MAN1A1: variants seen among roughly 807,000 people sequenced by gnomAD.
The protein encoded by MAN1A1 is mannosyl-oligosaccharide 1,2-alpha-mannosidase IA.
In MAN1A1, 29 loss-of-function variants were observed where a neutral mutation model predicts 70.8. That is an observed-to-expected ratio of 0.41 (90% confidence interval 0.31 to 0.56). The LOEUF (loss-of-function observed/expected upper bound fraction) is 0.56. MAN1A1 is among the 20% of genes least tolerant of loss of function. The pLI is 0.29. For missense variants in MAN1A1, 747 were observed against 841.3 expected (o/e 0.89, Z 1.39); for synonymous variants, 349 against 330.1 (o/e 1.06, Z -0.62).
intron 2 of MAN1A1, among the ~76,000 whole-genome samples, chr6:119,308,728 G>C (rs1772600307): frequency 6.6e-6 from 1 of 151,976 alleles, no homozygotes; most frequent in South Asian, 2.1e-4. Context: ...AGAACACCTA[G>C]AGATTATATT....
chr6:119,270,138 G>C (rs1775877250), intron 5 of MAN1A1, among the ~76,000 whole-genome samples: 1 of 152,088 alleles, frequency 6.6e-6, no homozygotes, highest in African/African-American at 2.4e-5. Flanking sequence ...TGATATTTCA[G>C]ACTAATCTTG....
intron 2 of MAN1A1, among the ~76,000 whole-genome samples, chr6:119,331,668 C>G (rs1773319697): frequency 6.6e-6 from 1 of 150,502 alleles, no homozygotes; most frequent in Admixed American, 6.6e-5. Context: ...CACAATATTA[C>G]TCTTGAGAGG....
intron 6 of MAN1A1, among the ~76,000 whole-genome samples, chr6:119,221,243 A>G (rs1483562158): frequency 2.0e-5 from 3 of 152,292 alleles, no homozygotes; most frequent in Middle Eastern, 6.8e-3. Context: ...ATTAAAAAGC[A>G]TAAAAAAGTA....
intron 6 of MAN1A1, among the ~76,000 whole-genome samples, chr6:119,220,871 A>G (rs1226835541): frequency 1.3e-5 from 2 of 152,176 alleles, no homozygotes; most frequent in African/African-American, 2.4e-5. Context: ...GATATCACCA[A>G]TCTATATTTA....
chr6:119,261,686 A>G (rs1170977789), intron 5 of MAN1A1, among the ~76,000 whole-genome samples: 1 of 152,240 alleles, frequency 6.6e-6, no homozygotes, highest in African/African-American at 2.4e-5. Flanking sequence ...GAAAGAGAAT[A>G]GCACAAAACT....
intron 6 of MAN1A1, among the ~76,000 whole-genome samples, chr6:119,231,565 G>A (rs562655294): frequency 1.3e-5 from 2 of 152,244 alleles, no homozygotes; most frequent in African/African-American, 2.4e-5. Context: ...CTTTCATCTA[G>A]AGAAGCCTCC....
chr6:119,248,174 G>A, intron 6 of MAN1A1, 86 bp downstream of exon 6: 1 of 866,158 alleles, frequency 1.2e-6, no homozygotes, highest in Non-Finnish European at 1.9e-6. Flanking sequence ...TATCATATAA[G>A]TAATTATCTA....
At chr6:119,187,715 A>G (rs2114930345) in intron 11 of MAN1A1, among the ~76,000 whole-genome samples, 1 of 152,360 alleles carries the variant, frequency 6.6e-6, no homozygotes, top group African/African-American at 2.4e-5. Context: ...CCACTCCTTG[A>G]GGAATAATAA....
At chr6:119,267,003 C>T (rs1161004267) in intron 5 of MAN1A1, among the ~76,000 whole-genome samples, 3 of 152,144 alleles carry the variant, frequency 2.0e-5, no homozygotes, top group Non-Finnish European at 4.4e-5. Context: ...CATCGCAAAT[C>T]ATCAAGTAAA....
At chr6:119,272,084 A>G (rs1446309163) in intron 5 of MAN1A1, among the ~76,000 whole-genome samples, 1 of 152,238 alleles carries the variant, frequency 6.6e-6, no homozygotes, top group Non-Finnish European at 1.5e-5. Context: ...CATGGCTTCA[A>G]TATCGGTGTA....
At chr6:119,192,421 T>C (rs996074266) in intron 9 of MAN1A1, among the ~76,000 whole-genome samples, 8 of 152,192 alleles carry the variant, frequency 5.3e-5, no homozygotes, top group Non-Finnish European at 8.8e-5. Flanking sequence ...ACTAAGGCGC[T>C]TCTGGTTCCT....
chr6:119,331,720 A>C (rs915783111), intron 2 of MAN1A1, among the ~76,000 whole-genome samples: 4 of 152,164 alleles, frequency 2.6e-5, no homozygotes, highest in Non-Finnish European at 5.9e-5. Context: ...TTTCAGAATT[A>C]AAGCATGTTG....
chr6:119,298,893 G>A (rs1451271683), intron 4 of MAN1A1, among the ~76,000 whole-genome samples: 1 of 151,934 alleles, frequency 6.6e-6, no homozygotes. Context: ...ACTGCGCCTG[G>A]CCAACTTTTT....
Position 119,348,836 on chromosome 6 carries a change from C to T in MAN1A1, c.230G>A (p.Ser77Asn). Residue 77 changes from serine to asparagine, a missense_variant, in exon 2 of 13, where the codon AGC becomes AAC. Transcript: ENST00000368468. ...GTCGGCGGCCGGCTGCAAGGCGGGG[C>T]TGGAGTGGAACAGGACCCCGCTGAG... ...KLLSGVLFHS[S>N]PALQPAADHK... 1 of 1,494,430 alleles carries T rather than the reference C, an allele frequency of 6.7e-7. No homozygotes were observed. Among genetic ancestry groups the T allele is most frequent in the Middle Eastern group, 1.8e-4 (1 of 5,628 alleles). The allele number at this position is 1,494,430 out of a possible 1,614,324, so 92.6% of individuals were successfully genotyped here. A position where few individuals can be genotyped will look rare whatever the true frequency, so the allele number is the denominator to read the frequency against.
chr6:119,349,305 GT>G lies in MAN1A1; in HGVS notation c.-222-19del. ...TGCAGCCCCTGCGGGGAGAGAAACA[GT>G]AAAACGTAGTAATTACGGCGATGAT... On this transcript the variant is annotated intron_variant, in intron 1 of 12. Coordinates refer to ENST00000368468, the MANE Select transcript of MAN1A1 (RefSeq NM_005907.4). 8.4e-7 allele frequency: 1 copy of G among 1,192,624 alleles called. No individual in the cohort carries two copies. Among genetic ancestry groups the G allele is most frequent in the Non-Finnish European group, 1.0e-6 (1 of 962,848 alleles). 73.9% of individuals were successfully genotyped at this position (1,192,624 alleles called of 1,614,324 possible). A position where few individuals can be genotyped will look rare whatever the true frequency, so the allele number is the denominator to read the frequency against.
chr6:119,348,547 C>T lies in MAN1A1; in HGVS notation c.519G>A (p.Pro173=), dbSNP rs1313455858. The T allele has an allele frequency of 1.9e-6, 3 of 1,613,224 alleles. No individual in the cohort carries two copies. Among genetic ancestry groups the T allele is most frequent in the South Asian group, 2.2e-5 (2 of 90,928 alleles). ...RDKAPFRGLP[P]VDFVPPIGVE... ...CCCCGATTGGGGGCACGAAGTCCAC[C>T]GGGGGCAGGCCTCTGAACGGCGCCT... The change falls in exon 2 of 13, where the codon CCG becomes CCA. Residue 173 remains proline (P), a synonymous_variant. Coordinates refer to ENST00000368468, the MANE Select transcript of MAN1A1 (RefSeq NM_005907.4).
At chr6:119,223,198 A>C (rs1489950203) in intron 6 of MAN1A1, among the ~76,000 whole-genome samples, 1 of 152,182 alleles carries the variant, frequency 6.6e-6, no homozygotes, top group Admixed American at 6.5e-5. Context: ...AAATAAGTCT[A>C]ATAATTAAAC....
At chr6:119,263,522 G>T (rs771161957) in intron 5 of MAN1A1, among the ~76,000 whole-genome samples, 78 of 152,212 alleles carry the variant, frequency 5.1e-4, no homozygotes, top group African/African-American at 1.8e-3. Context: ...GTGTAAGAAG[G>T]GTGAGGACTG....
Position 119,202,572 on chromosome 6 carries a change from A to G in MAN1A1, c.1117-1225T>C, listed in dbSNP as rs6924394. Among the ~76,000 whole-genome samples, 772 of 152,310 alleles carry G rather than the reference A, an allele frequency of 5.1e-3. 14 individuals carry two copies. Among genetic ancestry groups the G allele is most frequent in the African/African-American group, 0.018 (731 of 41,558 alleles). On this transcript the variant is annotated intron_variant, in intron 7 of 12. Coordinates refer to ENST00000368468, the MANE Select transcript of MAN1A1 (RefSeq NM_005907.4). Reference sequence around the variant, plus strand: ...TATCAAATATTATGTACTGTACATAATTATATGTGCTATACTTTTATGTGA... The same window carrying G: ...TATCAAATATTATGTACTGTACATAGTTATATGTGCTATACTTTTATGTGA...
Sources: allele counts gnomAD v4.1 joint callset (sites outside exome capture counted in the v4.1 genomes callset), GRCh38; gene constraint gnomAD v4.1.1; transcripts MANE v1.5; gene names NCBI Gene and HGNC (gene_info 2026-07-23, HGNC 2026-07-21).